Variants in ARSG observed in about 807,000 individuals in gnomAD.
ARSG encodes the protein arylsulfatase G.
In ARSG, 37 loss-of-function variants were observed where a neutral mutation model predicts 50.5. The observed-to-expected ratio is 0.73, with a 90% confidence interval of 0.56 to 0.96. ARSG has a LOEUF of 0.96. ARSG is among the 50% of genes least tolerant of loss of function. ARSG has a pLI of 0.00. For missense variants in ARSG, 629 were observed against 675.3 expected, an observed-to-expected ratio of 0.93 and a Z score of 0.76; for synonymous variants, 225 against 254.6, an observed-to-expected ratio of 0.88 and a Z score of 1.11.
chr17:68,350,565 C>CA (rs1162806670), intron 4 of ARSG, among the ~76,000 whole-genome samples: 1 of 151,918 alleles, frequency 6.6e-6, no homozygotes, highest in African/African-American at 2.4e-5. Flanking sequence ...GTGGGTGTAT[C>CA]ACGAGGTCAG....
At chr17:68,384,926 C>A in intron 8 of ARSG, 138 bp from the exon 9 acceptor site, 1 of 641,662 alleles carries the variant, frequency 1.6e-6, no homozygotes, top group Non-Finnish European at 2.8e-6. Flanking sequence ...AGGGAAATAG[C>A]TGGTTACCAA....
At chr17:68,375,519 T>G (rs945907631) in intron 8 of ARSG, among the ~76,000 whole-genome samples, 4 of 152,262 alleles carry the variant, frequency 2.6e-5, no homozygotes, top group Non-Finnish European at 4.4e-5. Context: ...CAGTCTGGTA[T>G]GTCAGGCACT....
chr17:68,441,087 G>T, the ARSG span: 8 of 152,298 alleles, frequency 5.3e-5, no homozygotes, highest in Non-Finnish European at 1.0e-4. Context: ...ATAAAAGGTG[G>T]TCAGCTCTGT....
intron 5 of ARSG, among the ~76,000 whole-genome samples, chr17:68,354,863 C>CA (rs928458322): frequency 2.0e-5 from 3 of 151,980 alleles, no homozygotes; most frequent in African/African-American, 4.8e-5. Flanking sequence ...GACCCTGTGT[C>CA]AAAAAAACAA....
At chr17:68,366,843 C>A (rs2079571768) in intron 6 of ARSG, among the ~76,000 whole-genome samples, 1 of 152,194 alleles carries the variant, frequency 6.6e-6, no homozygotes, top group Non-Finnish European at 1.5e-5. Context: ...ATCTTCAGAA[C>A]TGTTTCATTT....
Position 68,408,402 on chromosome 17 carries a change from A to G in ARSG, c.1303+6952A>G, listed in dbSNP as rs938520600. On this transcript the variant is annotated intron_variant, in intron 11 of 11. Transcript: ENST00000621439. ...TGGTTTTTTGTTCTTGCAATAGTTT[A>G]CTGAGAATGATGATTTCCAATTTCA... 1.6e-3 allele frequency among the ~76,000 whole-genome samples: 238 copies of G among 151,034 alleles called. 1 individual carries two copies. The highest frequency in any genetic ancestry group is 5.4e-3 in the African/African-American group (221 of 41,176).
intron 1 of ARSG, among the ~76,000 whole-genome samples, chr17:68,280,306 G>T (rs552400212): frequency 7.3e-5 from 11 of 151,608 alleles, no homozygotes; most frequent in African/African-American, 2.2e-4. Flanking sequence ...AATTTGTATG[G>T]AACCACAAAA....
At chr17:68,342,109 T>C (rs2078295006) in intron 2 of ARSG, among the ~76,000 whole-genome samples, 1 of 151,856 alleles carries the variant, frequency 6.6e-6, no homozygotes. Flanking sequence ...AGTGAACCAC[T>C]ACGCCCGACC....
intron 2 of ARSG, among the ~76,000 whole-genome samples, chr17:68,331,184 T>TC (rs2077728079): frequency 3.1e-5 from 1 of 32,612 alleles, no homozygotes; most frequent in Non-Finnish European, 5.3e-5. Flanking sequence ...AGGGTTTCTT[T>TC]CTTTCTTTCT....
intron 1 of ARSG, among the ~76,000 whole-genome samples, chr17:68,264,248 C>G (rs782545316): frequency 6.6e-6 from 1 of 152,176 alleles, no homozygotes; most frequent in Non-Finnish European, 1.5e-5. Flanking sequence ...TGATTTGAAT[C>G]TGCGCCACAA....
chr17:68,364,889 G>C (rs371901983), intron 6 of ARSG, among the ~76,000 whole-genome samples: 1 of 152,150 alleles, frequency 6.6e-6, no homozygotes, highest in African/African-American at 2.4e-5. Context: ...GCCCCCAAGG[G>C]ACTAGTCTGT....
intron 9 of ARSG, among the ~76,000 whole-genome samples, chr17:68,390,954 G>C (rs1370026545): frequency 6.8e-6 from 1 of 147,336 alleles, no homozygotes; most frequent in Non-Finnish European, 1.5e-5. Context: ...TGAAGGAAGA[G>C]ACCCACGAAG....
chr17:68,437,117 G>T, the ARSG span, among the ~76,000 whole-genome samples: 1 of 151,810 alleles, frequency 6.6e-6, no homozygotes, highest in Non-Finnish European at 1.5e-5. Context: ...ATCCTCTAGG[G>T]TTACAAGAGA....
intron 2 of ARSG, among the ~76,000 whole-genome samples, chr17:68,319,156 T>G (rs1284078871): frequency 6.6e-6 from 1 of 152,152 alleles, no homozygotes; most frequent in East Asian, 1.9e-4. Context: ...GCAGGCCGCT[T>G]CCTCTTTCAT....
chr17:68,336,905 T>C (rs1168015206), intron 2 of ARSG, among the ~76,000 whole-genome samples: 2 of 151,898 alleles, frequency 1.3e-5, no homozygotes, highest in East Asian at 3.9e-4. Flanking sequence ...AGAAAAATAT[T>C]TGTACTAGTG....
chr17:68,334,467 G>T (rs891766161), intron 2 of ARSG, among the ~76,000 whole-genome samples: 1 of 152,130 alleles, frequency 6.6e-6, no homozygotes, highest in African/African-American at 2.4e-5. Flanking sequence ...TCTTATGAGA[G>T]ACACAGACAT....
the ARSG span, chr17:68,433,351 C>G: frequency 3.0e-6 from 3 of 999,906 alleles, no homozygotes; most frequent in African/African-American, 3.2e-5. Context: ...TAGGTGAAGT[C>G]CCAAGTGAAG....
intron 2 of ARSG, among the ~76,000 whole-genome samples, chr17:68,339,624 A>G (rs181014658): frequency 6.8e-4 from 103 of 152,206 alleles, no homozygotes; most frequent in Non-Finnish European, 1.2e-3. Flanking sequence ...TAGAATATCA[A>G]AATACTGGTT....
At position 68,351,650 on chromosome 17, in the gene ARSG, C is replaced by G. The variant is rs765133872; in HGVS notation, c.530C>G (p.Pro177Arg). 1.2e-6 allele frequency: 2 copies of G among 1,613,862 alleles called. No individual in the cohort carries two copies. Among genetic ancestry groups the G allele is most frequent in the South Asian group, 2.2e-5 (2 of 91,080 alleles). Residue 177 changes from proline to arginine, a missense_variant, in exon 5 of 12, where the codon CCT becomes CGT. By Grantham distance (103) the Pro-to-Arg change is moderately radical. Coordinates refer to ENST00000621439, the MANE Select transcript of ARSG (RefSeq NM_001267727.2). ...GATACTCCAGGCTACAACCACCCTC[C>G]TTGTCCAGCGTGTCCACAGGGTGAT... Reference protein sequence around the residue: ...CTDTPGYNHPPCPACPQGDGP... With the variant: ...CTDTPGYNHPRCPACPQGDGP...
Sources: gnomAD v4.1 joint callset for allele counts (sites outside exome capture counted in the v4.1 genomes callset) on GRCh38, gnomAD v4.1.1 for gene constraint, MANE v1.5 for transcripts, NCBI Gene and HGNC (gene_info 2026-07-23, HGNC 2026-07-21) for gene names.